RSBN1: variants seen among roughly 807,000 people sequenced by gnomAD.
RSBN1 encodes the protein round spermatid basic protein 1.
Under a neutral mutation model 74.8 loss-of-function variants are expected in RSBN1, and 23 were observed. The ratio of observed to expected loss-of-function variants is 0.31; its 90% confidence interval spans 0.22 to 0.44. The LOEUF (loss-of-function observed/expected upper bound fraction) is 0.44, where lower values mean the gene tolerates loss of function less well. Among genes scored for constraint, RSBN1 ranks in the 20% least tolerant of loss-of-function variants. The probability of loss-of-function intolerance (pLI) is 1.00; values close to 1 mark genes in which losing one functional copy is unlikely to be tolerated. For missense variants in RSBN1, 808 were observed against 1,020.9 expected, an observed-to-expected ratio of 0.79 and a Z score of 2.84; for synonymous variants, 407 against 379.6, an observed-to-expected ratio of 1.07 and a Z score of -0.84.
rs1461107755 is a variant in RSBN1, at chr1:113,812,271, C to T, written c.142G>A (p.Glu48Lys). The T allele has an allele frequency of 3.7e-6, 6 of 1,605,592 alleles. No individual in the cohort carries two copies. Among genetic ancestry groups the T allele is most frequent in the East Asian group, 2.2e-5 (1 of 44,840 alleles). ...VGPFKCVFVG[E>K]MAAQVGAVRV... ...ACCGCTCCGACCTGCGCAGCCATTT[C>T]ACCCACAAACACACATTTAAATGGC... The change falls in exon 1 of 7, where the codon GAA (glutamate) becomes AAA (lysine). Residue 48 changes from glutamate to lysine, a missense_variant. Physicochemically the swap from Glu to Lys is moderately conservative, Grantham distance 56. Coordinates refer to ENST00000261441, the MANE Select transcript of RSBN1 (RefSeq NM_018364.5).
rs17031869 is a variant in RSBN1, at chr1:113,794,593, C to T, written c.1377+2770G>A. On this transcript the variant is annotated intron_variant, in intron 2 of 6. Coordinates refer to ENST00000261441, the MANE Select transcript of RSBN1 (RefSeq NM_018364.5). ...CTGTGTATTTGCATAGGCTGTTATT[C>T]GCTTAAAATGTTCTTACCAAGTTAA... 5.6e-3 allele frequency among the ~76,000 whole-genome samples: 854 copies of T among 152,236 alleles called. 7 individuals are homozygous for T. Among genetic ancestry groups the T allele is most frequent in the African/African-American group, 0.02 (814 of 41,540 alleles).
intron 2 of RSBN1, among the ~76,000 whole-genome samples, chr1:113,792,156 A>G (rs1660379357): frequency 2.0e-5 from 3 of 152,336 alleles, no homozygotes; most frequent in Middle Eastern, 6.8e-3. Context: ...AAATTTTTGA[A>G]AAAGATACTT....
intron 1 of RSBN1, among the ~76,000 whole-genome samples, chr1:113,810,496 C>T (rs991522702): frequency 3.9e-5 from 6 of 152,034 alleles, no homozygotes; most frequent in Non-Finnish European, 7.4e-5. Flanking sequence ...ACTGGCAGTC[C>T]TGTCATCTTG....
chr1:113,790,188 G>A (rs941871015), intron 2 of RSBN1, among the ~76,000 whole-genome samples: 2 of 152,050 alleles, frequency 1.3e-5, no homozygotes, highest in African/African-American at 2.4e-5. Context: ...GGGAAAGGTT[G>A]GAGGGGTAGT....
chr1:113,772,409 C>A (rs1249233001), intron 4 of RSBN1, among the ~76,000 whole-genome samples: 1 of 151,942 alleles, frequency 6.6e-6, no homozygotes, highest in Non-Finnish European at 1.5e-5. Flanking sequence ...AAAAAAAACC[C>A]TGCCAAAGCC....
rs1225707831 is a variant in RSBN1, at chr1:113,766,385, A to T, written c.2004T>A (p.Ile668=). Residue 668 remains isoleucine (I), a synonymous_variant, in exon 7 of 7, where the codon ATT becomes ATA. Coordinates refer to ENST00000261441, the MANE Select transcript of RSBN1 (RefSeq NM_018364.5). ...AGTAGATATCATTGTCGCAAAGCTG[A>T]ATTCTAGCATAACGAATGCCTTCCC... ...MRREGIRYAR[I]QLCDNDIYFI... The T allele has an allele frequency of 6.2e-7, 1 of 1,614,066 alleles. No homozygotes were observed. Among genetic ancestry groups the T allele is most frequent in the South Asian group, 1.1e-5 (1 of 91,084 alleles).
intron 2 of RSBN1, among the ~76,000 whole-genome samples, chr1:113,794,651 A>G (rs1660434888): frequency 6.6e-6 from 1 of 152,230 alleles, no homozygotes; most frequent in Non-Finnish European, 1.5e-5. Flanking sequence ...GTACTCAAGC[A>G]TCACATGGCT....
chr1:113,768,641 G>A (rs1659831077), intron 4 of RSBN1, among the ~76,000 whole-genome samples: 1 of 152,050 alleles, frequency 6.6e-6, no homozygotes, highest in African/African-American at 2.4e-5. Flanking sequence ...CTCAAATGTA[G>A]TGCTTCTGTT....
At chr1:113,778,962 GTTC>G (rs1198170135) in intron 2 of RSBN1, among the ~76,000 whole-genome samples, 1 of 152,040 alleles carries the variant, frequency 6.6e-6, no homozygotes, top group East Asian at 1.9e-4. Flanking sequence ...TTTCATGTAT[GTTC>G]TTATCTTATG....
intron 2 of RSBN1, among the ~76,000 whole-genome samples, chr1:113,791,914 T>G (rs111442521): frequency 6.2e-4 from 95 of 152,312 alleles, no homozygotes; most frequent in African/African-American, 2.1e-3. Context: ...TTATAAAATG[T>G]TAATCAATCA....
rs192684941 is a variant in RSBN1, at chr1:113,811,101, C to T, written c.703+609G>A. 2.3e-3 allele frequency among the ~76,000 whole-genome samples: 350 copies of T among 152,264 alleles called. 2 individuals are homozygous for T. Among genetic ancestry groups the T allele is most frequent in the Middle Eastern group, 3.4e-3 (1 of 294 alleles). ...CACTGTTGGTCCTATTTCCTAGTATCAAAGGGTAGAGAAAACCTTCCACAT... is the reference window on the plus strand; with the variant it reads ...CACTGTTGGTCCTATTTCCTAGTATTAAAGGGTAGAGAAAACCTTCCACAT... On this transcript the variant is annotated intron_variant, in intron 1 of 6. Transcript: ENST00000261441.
chr1:113,767,241 C>T, intron 5 of RSBN1, 34 bp from the exon 6 acceptor site: 9 of 1,214,502 alleles, frequency 7.4e-6, no homozygotes, highest in Non-Finnish European at 1.1e-5. Flanking sequence ...CAGAGACAAA[C>T]ATCTCACAAT....
chr1:113,802,702 A>G (rs1571310475), intron 1 of RSBN1, among the ~76,000 whole-genome samples: 1 of 149,186 alleles, frequency 6.7e-6, no homozygotes, highest in Admixed American at 6.7e-5. Flanking sequence ...CTAAGCCTTT[A>G]CTTTTTTTTT....
At chr1:113,810,958 TA>T (rs1660826365) in intron 1 of RSBN1, among the ~76,000 whole-genome samples, 1 of 152,198 alleles carries the variant, frequency 6.6e-6, no homozygotes. Flanking sequence ...CATTTTCTAG[TA>T]AAATATTCTT....
Position 113,768,281 on chromosome 1 carries a change from C to G in RSBN1, c.1767G>C (p.Gly589=), listed in dbSNP as rs1475819712. 1 of 1,613,712 alleles carries G rather than the reference C, an allele frequency of 6.2e-7. No individual in the cohort carries two copies. Among genetic ancestry groups the G allele is most frequent in the South Asian group, 1.1e-5 (1 of 91,056 alleles). Residue 589 remains glycine (G), a synonymous_variant, in exon 5 of 7, where the codon GGG becomes GGC. Transcript: ENST00000261441. ...CAGCAGCCGTACTCTGCCAGTCAAA[C>G]CCCTGACCGACATGATCAGCATGAG... ...TRAHADHVGQ[G]FDWQSTAAVG...
At position 113,792,395 on chromosome 1, in the gene RSBN1, T is replaced by A. The variant is rs1385776290; in HGVS notation, c.1377+4968A>T. ...CTTGGTGGTCCATTTACTAGCAACA[T>A]CAGCATCACCAGAAAATGCAGACTA... On this transcript the variant is annotated intron_variant, in intron 2 of 6. Coordinates refer to ENST00000261441, the MANE Select transcript of RSBN1 (RefSeq NM_018364.5). Among the ~76,000 whole-genome samples, 3 of 152,182 alleles carry A rather than the reference T, an allele frequency of 2.0e-5. No homozygotes were observed. In the East Asian group the frequency reaches 5.8e-4, roughly 29 times the overall value.
At chr1:113,792,741 CCATGATCACACTT>C (rs1182357201) in intron 2 of RSBN1, among the ~76,000 whole-genome samples, 10 of 151,934 alleles carry the variant, frequency 6.6e-5, no homozygotes, top group Non-Finnish European at 1.3e-4. Flanking sequence ...CCTCAGTGAG[CCATGATCACACTT>C]CATGATCACA....
rs1419435576 is a variant in RSBN1 at position 113,765,640 on chromosome 1, G to C, written c.*340C>G. Reference sequence around the variant, plus strand: ...GCAAATATGGCAAGAGACAAGGCAAGATAAAATTAAGGGAAGTGAATAATT... The same window carrying C: ...GCAAATATGGCAAGAGACAAGGCAACATAAAATTAAGGGAAGTGAATAATT... On this transcript the variant is annotated 3_prime_UTR_variant, in exon 7 of 7. Coordinates refer to ENST00000261441, the MANE Select transcript of RSBN1 (RefSeq NM_018364.5). 3 of 203,354 alleles carry C rather than the reference G, an allele frequency of 1.5e-5. No homozygotes were observed. The highest frequency in any genetic ancestry group is 3.0e-5 in the Non-Finnish European group (3 of 98,528). 12.6% of individuals were successfully genotyped at this position (203,354 alleles called of 1,614,324 possible). A position where few individuals can be genotyped will look rare whatever the true frequency, so the allele number is the denominator to read the frequency against.
chr1:113,804,307 T>C (rs1040447710), intron 1 of RSBN1, among the ~76,000 whole-genome samples: 2 of 152,188 alleles, frequency 1.3e-5, no homozygotes, highest in African/African-American at 4.8e-5. Context: ...TTGCCAAATG[T>C]CTAATAGGGA....
Sources: gnomAD v4.1 joint callset for allele counts (sites outside exome capture counted in the v4.1 genomes callset) on GRCh38, gnomAD v4.1.1 for gene constraint, MANE v1.5 for transcripts, NCBI Gene and HGNC (gene_info 2026-07-23, HGNC 2026-07-21) for gene names.